The following SLC35D4 variants were observed in gnomAD, a reference collection of about 807,000 sequenced individuals.
The protein encoded by SLC35D4 is solute carrier family 35 member D4.
At chr18:23,410,208 C>T in the SLC35D4 span, among the ~76,000 whole-genome samples, 342 of 152,220 alleles carry the variant, frequency 2.2e-3, 4 homozygotes, top group African/African-American at 8.1e-3. Context: ...AGGCCGGGCG[C>T]GGTGGCTCAG....
chr18:23,385,180 T>C, the SLC35D4 span: 1 of 922,242 alleles, frequency 1.1e-6, no homozygotes, highest in Non-Finnish European at 1.6e-6. Flanking sequence ...GGCATCCACA[T>C]ATATAATCAC....
the SLC35D4 span, among the ~76,000 whole-genome samples, chr18:23,428,917 A>G: frequency 6.6e-6 from 1 of 152,190 alleles, no homozygotes; most frequent in Admixed American, 6.5e-5. Context: ...TTTAGCTGCC[A>G]TTTATAAGTA....
the SLC35D4 span, among the ~76,000 whole-genome samples, chr18:23,240,368 A>G: frequency 2.6e-5 from 4 of 152,116 alleles, no homozygotes; most frequent in Non-Finnish European, 4.4e-5. Flanking sequence ...CTACACACAC[A>G]CAGGCAGGAG....
At chr18:23,391,895 T>A in the SLC35D4 span, among the ~76,000 whole-genome samples, 3 of 152,182 alleles carry the variant, frequency 2.0e-5, no homozygotes, top group African/African-American at 7.2e-5. Context: ...TAAATCTCTC[T>A]GTGACATCAT....
the SLC35D4 span, among the ~76,000 whole-genome samples, chr18:23,397,411 C>T: frequency 6.6e-6 from 1 of 152,146 alleles, no homozygotes; most frequent in South Asian, 2.1e-4. Flanking sequence ...AGTTGACACC[C>T]ATTGTTGGGG....
chr18:23,358,440 A>AAAAG, the SLC35D4 span, among the ~76,000 whole-genome samples: 2 of 139,586 alleles, frequency 1.4e-5, no homozygotes, highest in African/African-American at 2.5e-5. Context: ...AGGAGGGAGG[A>AAAAG]AAAGAAAGAA....
At chr18:23,257,661 C>G in the SLC35D4 span, 2 of 294,526 alleles carry the variant, frequency 6.8e-6, no homozygotes, top group Non-Finnish European at 6.1e-6. Flanking sequence ...CCCAGTCTTT[C>G]TCCCCGGCAT....
chr18:23,352,926 G>A, the SLC35D4 span, among the ~76,000 whole-genome samples: 7 of 152,344 alleles, frequency 4.6e-5, no homozygotes, highest in African/African-American at 1.7e-4. Flanking sequence ...GGACCAACAA[G>A]GGCGAGGGCA....
the SLC35D4 span, among the ~76,000 whole-genome samples, chr18:23,348,999 GCCTT>G: frequency 2.6e-5 from 4 of 152,176 alleles, no homozygotes; most frequent in Non-Finnish European, 5.9e-5. Context: ...CACCCCACTT[GCCTT>G]CTGGCCTCCA....
At chr18:23,285,156 G>A in the SLC35D4 span, among the ~76,000 whole-genome samples, 87 of 151,828 alleles carry the variant, frequency 5.7e-4, no homozygotes, top group Admixed American at 2.6e-4. Context: ...CCTTATTTCC[G>A]CACCCCGACC....
chr18:23,307,923 C>T, the SLC35D4 span, among the ~76,000 whole-genome samples: 1 of 152,338 alleles, frequency 6.6e-6, no homozygotes, highest in South Asian at 2.1e-4. Context: ...AGCCATCCTT[C>T]TGAAGAGCCT....
At chr18:23,418,309 G>C in the SLC35D4 span, among the ~76,000 whole-genome samples, 1 of 150,222 alleles carries the variant, frequency 6.7e-6, no homozygotes, top group Non-Finnish European at 1.5e-5. Flanking sequence ...CTTAATACTA[G>C]TTTTTTGCTC....
chr18:23,386,874 G>A, the SLC35D4 span, among the ~76,000 whole-genome samples: 1 of 152,116 alleles, frequency 6.6e-6, no homozygotes, highest in Admixed American at 6.5e-5. Context: ...AAGGTGAGGG[G>A]GGAGAATGAG....
At chr18:23,404,402 C>A in the SLC35D4 span, among the ~76,000 whole-genome samples, 1 of 152,156 alleles carries the variant, frequency 6.6e-6, no homozygotes, top group South Asian at 2.1e-4. Flanking sequence ...AGGCAAGGCG[C>A]GGTGGCTCAC....
At chr18:23,238,889 C>T in the SLC35D4 span, among the ~76,000 whole-genome samples, 1 of 152,156 alleles carries the variant, frequency 6.6e-6, no homozygotes, top group Non-Finnish European at 1.5e-5. Flanking sequence ...CTGCCGACCT[C>T]GGGGTTGGAC....
chr18:23,352,391 G>A, the SLC35D4 span: 5 of 870,310 alleles, frequency 5.7e-6, no homozygotes, highest in Admixed American at 9.3e-5. Flanking sequence ...AAATTATTAT[G>A]CAACCTCTAC....
At chr18:23,434,164 C>T in the SLC35D4 span, among the ~76,000 whole-genome samples, 2 of 152,112 alleles carry the variant, frequency 1.3e-5, no homozygotes. Context: ...AAGTTCCTCA[C>T]CAGAGTCCCA....
chr18:23,360,560 T>C, the SLC35D4 span, among the ~76,000 whole-genome samples: 7 of 152,160 alleles, frequency 4.6e-5, no homozygotes, highest in African/African-American at 9.7e-5. Flanking sequence ...AGCTTGAGAA[T>C]AGACAGAACT....
At chr18:23,409,361 A>G in the SLC35D4 span, among the ~76,000 whole-genome samples, 1 of 152,190 alleles carries the variant, frequency 6.6e-6, no homozygotes, top group African/African-American at 2.4e-5. Flanking sequence ...TTCACTTCAC[A>G]TCTTTCCATG....
Sources: allele counts gnomAD v4.1 joint callset (sites outside exome capture counted in the v4.1 genomes callset), GRCh38; gene constraint gnomAD v4.1.1; transcripts MANE v1.5; gene names NCBI Gene and HGNC (gene_info 2026-07-23, HGNC 2026-07-21).